Variants in GRID1 observed in about 807,000 individuals in gnomAD.
The protein encoded by GRID1 is glutamate receptor ionotropic, delta-1.
In GRID1, 28 loss-of-function variants were observed where a neutral mutation model predicts 98.0. The ratio of observed to expected loss-of-function variants is 0.29; its 90% CI spans 0.21 to 0.39. The LOEUF is 0.39. Ranked by LOEUF, GRID1 falls within the 10% of genes least tolerant of loss-of-function variation. The pLI is 1.00. For missense variants in GRID1, 1,111 were observed against 1,340.5 expected (o/e 0.83, Z 2.67); for synonymous variants, 553 against 538.5 (o/e 1.03, Z -0.37).
In GRID1 at chr10:86,053,430, T is replaced by A. The variant is rs1589353176; in HGVS notation, c.726+85389A>T. On this transcript the variant is annotated intron_variant, in intron 4 of 15. Coordinates refer to ENST00000327946, the MANE Select transcript of GRID1 (RefSeq NM_017551.3). ...TAGAGTGCAGTGGCGCAATCTTGGC[T>A]CACTGCAACCTCCGCCTCCCTGGTT... 2.6e-5 allele frequency among the ~76,000 whole-genome samples: 4 copies of A among 152,010 alleles called. No individual in the cohort carries two copies. The Middle Eastern group carries it at 0.01, about 388-fold the overall frequency.
At chr10:85,936,065 T>G (rs1487048273) in intron 4 of GRID1, among the ~76,000 whole-genome samples, 1 of 151,884 alleles carries the variant, frequency 6.6e-6, no homozygotes, top group Non-Finnish European at 1.5e-5. Flanking sequence ...GGTATAATGG[T>G]GTAGGGGTTC....
chr10:85,774,167 G>T (rs920672097), intron 8 of GRID1, among the ~76,000 whole-genome samples: 4 of 152,088 alleles, frequency 2.6e-5, no homozygotes, highest in Non-Finnish European at 5.9e-5. Flanking sequence ...CAGAAATAAC[G>T]CCGCATATCT....
chr10:86,319,767 T>C (rs1161993748), intron 2 of GRID1, among the ~76,000 whole-genome samples: 1 of 152,206 alleles, frequency 6.6e-6, no homozygotes, highest in African/African-American at 2.4e-5. Context: ...GCACTGCTGA[T>C]GGCTTTCAGG....
intron 12 of GRID1, among the ~76,000 whole-genome samples, chr10:85,677,279 C>A (rs1841155321): frequency 6.6e-6 from 1 of 152,160 alleles, no homozygotes; most frequent in East Asian, 1.9e-4. Flanking sequence ...GGGCTGCTGG[C>A]AGGCCAATAA....
chr10:86,083,027 A>C (rs112789496), intron 4 of GRID1, among the ~76,000 whole-genome samples: 32 of 152,280 alleles, frequency 2.1e-4, no homozygotes, highest in African/African-American at 7.2e-4. Flanking sequence ...CACATTGCTC[A>C]TCTTTGTCAC....
chr10:86,182,462 GCTGT>G (rs1327549797), intron 3 of GRID1, among the ~76,000 whole-genome samples: 1 of 152,204 alleles, frequency 6.6e-6, no homozygotes, highest in Non-Finnish European at 1.5e-5. Flanking sequence ...TAATTACCGT[GCTGT>G]CTGAGTTCAT....
chr10:85,638,756 T>C (rs1161831767), intron 13 of GRID1, among the ~76,000 whole-genome samples: 1 of 152,132 alleles, frequency 6.6e-6, no homozygotes, highest in Non-Finnish European at 1.5e-5. Flanking sequence ...GAAAACTCAA[T>C]AAATATTAAC....
intron 2 of GRID1, among the ~76,000 whole-genome samples, chr10:86,301,968 G>C (rs1488586032): frequency 6.6e-6 from 1 of 152,208 alleles, no homozygotes; most frequent in Non-Finnish European, 1.5e-5. Flanking sequence ...AATGGGCTCA[G>C]ACACAGCCAT....
At chr10:85,616,484 T>C (rs1350396712) in intron 14 of GRID1, among the ~76,000 whole-genome samples, 1 of 152,224 alleles carries the variant, frequency 6.6e-6, no homozygotes, top group African/African-American at 2.4e-5. Context: ...CCTCCGCTCA[T>C]TAGGCAGATC....
At chr10:86,025,014 AACC>A (rs1428026889) in intron 4 of GRID1, among the ~76,000 whole-genome samples, 1 of 152,224 alleles carries the variant, frequency 6.6e-6, no homozygotes, top group East Asian at 1.9e-4. Context: ...TTAGTCTCCC[AACC>A]ACACACATGG....
chr10:85,951,290 T>C lies in GRID1; in HGVS notation c.727-35051A>G, dbSNP rs531380160. Among the ~76,000 whole-genome samples, 227 of 152,300 alleles carry C rather than the reference T, an allele frequency of 1.5e-3. 1 individual carries two copies. The highest frequency in any genetic ancestry group is 5.3e-3 in the African/African-American group (222 of 41,560). On this transcript the variant is annotated intron_variant, in intron 4 of 15. Coordinates refer to ENST00000327946, the MANE Select transcript of GRID1 (RefSeq NM_017551.3). ...TTGTTGAATTAATAATTGAATGTGA[T>C]GGGATGGAATCAGAGCAAATAAAAG...
chr10:85,616,071 G>A (rs186614055), intron 14 of GRID1, among the ~76,000 whole-genome samples: 17 of 152,270 alleles, frequency 1.1e-4, no homozygotes, highest in East Asian at 3.9e-4. Context: ...CCGTTAGCTC[G>A]AGATCCAGCC....
chr10:86,331,405 T>A (rs1270485338), intron 2 of GRID1, among the ~76,000 whole-genome samples: 1 of 152,000 alleles, frequency 6.6e-6, no homozygotes, highest in Non-Finnish European at 1.5e-5. Context: ...CCTGAGCAGC[T>A]CCGTGTGCAG....
rs116242553 is a variant in GRID1, at chr10:85,866,487, A to G, written c.951+2523T>C. On this transcript the variant is annotated intron_variant, in intron 6 of 15. Transcript: ENST00000327946. ...TTTGAAATATTTGCATTATATTCCA[A>G]TTCCAGTTGAGCATCCTTAATCCAA... Among the ~76,000 whole-genome samples, 898 of 152,084 alleles carry G rather than the reference A, an allele frequency of 5.9e-3. 8 individuals carry two copies. Among genetic ancestry groups the G allele is most frequent in the African/African-American group, 0.02 (848 of 41,470 alleles).
rs778652186 is a variant in GRID1, at chr10:85,602,488, T to C, written c.2815A>G (p.Thr939Ala). Residue 939 changes from threonine (T) to alanine (A), a missense_variant, in exon 16 of 16, where the codon ACC becomes GCC. This residue lies in a region of GRID1 where 762 missense variants were observed against 869.1 expected (regional missense o/e 0.88). Transcript: ENST00000327946. Reference protein sequence around the residue: ...TFLPEQSSHGTSRTLSSGPSS... With the variant: ...TFLPEQSSHGASRTLSSGPSS... ...GGCCCTGATGAGAGTGTCCGGCTGG[T>C]GCCATGGCTGCTCTGCTCTGGCAGA... The C allele has an allele frequency of 6.2e-7, 1 of 1,614,026 alleles. No individual in the cohort carries two copies. Among genetic ancestry groups the C allele is most frequent in the Admixed American group, 1.7e-5 (1 of 60,014 alleles).
intron 8 of GRID1, among the ~76,000 whole-genome samples, chr10:85,775,947 C>T (rs1018574630): frequency 6.6e-6 from 1 of 151,544 alleles, no homozygotes; most frequent in African/African-American, 2.4e-5. Flanking sequence ...ATAATATAAT[C>T]AAATAGTTTA....
chr10:86,364,897 T>G (rs1486322560), intron 1 of GRID1, among the ~76,000 whole-genome samples: 1 of 152,070 alleles, frequency 6.6e-6, no homozygotes, highest in East Asian at 1.9e-4. Context: ...TGGCGCTTTG[T>G]GCGCCTAGCA....
intron 6 of GRID1, among the ~76,000 whole-genome samples, chr10:85,860,842 C>G (rs1282205310): frequency 6.6e-6 from 1 of 152,162 alleles, no homozygotes; most frequent in African/African-American, 2.4e-5. Context: ...GTTGAACACT[C>G]TGAGACTTAT....
chr10:86,319,545 CG>C (rs1174735325), intron 2 of GRID1, among the ~76,000 whole-genome samples: 1 of 152,126 alleles, frequency 6.6e-6, no homozygotes, highest in Admixed American at 6.5e-5. Flanking sequence ...CCCCAGGCCC[CG>C]GGAAAACTCC....
Sources: gnomAD v4.1 joint callset for allele counts (sites outside exome capture counted in the v4.1 genomes callset) on GRCh38, gnomAD v4.1.1 for gene constraint, gnomAD v4.1.1 regional missense constraint, MANE v1.5 for transcripts, NCBI Gene and HGNC (gene_info 2026-07-23, HGNC 2026-07-21) for gene names.